The following PREX2 variants were observed in gnomAD, a reference collection of about 807,000 sequenced individuals.
The protein encoded by PREX2 is phosphatidylinositol-3,4,5-trisphosphate dependent Rac exchange factor 2, also known as phosphatidylinositol 3,4,5-trisphosphate-dependent Rac exchanger 2 protein.
A neutral mutation model predicts 203.2 loss-of-function variants in PREX2; 107 were observed. That is an observed-to-expected ratio of 0.53 (90% CI 0.45 to 0.62). The LOEUF is 0.62. Among genes scored for constraint, PREX2 ranks in the 20% least tolerant of loss-of-function variants. The pLI, the probability that PREX2 is intolerant of heterozygous loss-of-function variation, is 0.00. For synonymous variants in PREX2, 672 were observed against 663.6 expected, an observed-to-expected ratio of 1.01 and a Z score of -0.19; for missense variants, 1,777 against 1,955.9, an observed-to-expected ratio of 0.91 and a Z score of 1.72.
intron 4 of PREX2, among the ~76,000 whole-genome samples, chr8:68,022,951 T>G (rs1807612463): frequency 6.6e-6 from 1 of 152,238 alleles, no homozygotes; most frequent in Non-Finnish European, 1.5e-5. Flanking sequence ...TGCTATAGAA[T>G]GTATCCATTT....
chr8:68,134,098 A>T lies in PREX2; in HGVS notation c.3806A>T (p.Gln1269Leu). 1.2e-6 allele frequency: 2 copies of T among 1,614,172 alleles called. No homozygotes were observed. The highest frequency in any genetic ancestry group is 8.5e-7 in the Non-Finnish European group (1 of 1,179,994). ...CTCCGTAGAGACATGGTTTTCTGCC[A>T]GACTCTTGTGGCCACTGTCTGTGCC... is the stretch of plus-strand genomic sequence containing the variant. Reference protein sequence around the residue: ...TQLRRDMVFCQTLVATVCAFS... With the variant: ...TQLRRDMVFCLTLVATVCAFS... The change falls in exon 32 of 40, where the codon CAG (glutamine) becomes CTG (leucine). Residue 1269 changes from glutamine (Q) to leucine (L), a missense_variant. Transcript: ENST00000288368.
At chr8:68,107,077 A>G (rs137999625) in intron 23 of PREX2, among the ~76,000 whole-genome samples, 1 of 152,168 alleles carries the variant, frequency 6.6e-6, no homozygotes, top group African/African-American at 2.4e-5. Context: ...TAGAAATAAG[A>G]CAATTATTTA....
intron 31 of PREX2, among the ~76,000 whole-genome samples, chr8:68,132,535 T>C (rs1279499542): frequency 4.6e-5 from 7 of 152,152 alleles, no homozygotes; most frequent in African/African-American, 1.7e-4. Flanking sequence ...GAGTAGGTTT[T>C]ACAGTGAAAC....
At chr8:68,082,859 A>C (rs2129611963) in intron 17 of PREX2, 1 of 164,370 alleles carries the variant, frequency 6.1e-6, no homozygotes, top group Middle Eastern at 3.3e-3. Context: ...GTAGATACAG[A>C]AGTTGACACT....
chr8:67,975,438 A>G (rs976854216), intron 1 of PREX2, among the ~76,000 whole-genome samples: 2 of 151,970 alleles, frequency 1.3e-5, no homozygotes, highest in East Asian at 3.9e-4. Context: ...AACCTAAAGA[A>G]TGAATGAGTG....
At chr8:68,042,869 A>G (rs951366598) in intron 7 of PREX2, among the ~76,000 whole-genome samples, 3 of 152,072 alleles carry the variant, frequency 2.0e-5, no homozygotes. Context: ...TACAAAACCC[A>G]TACAGAGTTC....
At chr8:68,152,809 C>T (rs1193889060) in intron 34 of PREX2, among the ~76,000 whole-genome samples, 1 of 152,140 alleles carries the variant, frequency 6.6e-6, no homozygotes, top group Non-Finnish European at 1.5e-5. Flanking sequence ...GTTCTCCTGG[C>T]AAAGCTTCTG....
intron 31 of PREX2, 34 bp downstream of exon 31, chr8:68,127,453 T>C (rs1451678565): frequency 6.7e-7 from 1 of 1,500,902 alleles, no homozygotes; most frequent in South Asian, 1.1e-5. Context: ...TTTTACTATT[T>C]AAGTGATTGT....
At chr8:68,129,238 T>C (rs1810954550) in intron 31 of PREX2, among the ~76,000 whole-genome samples, 4 of 152,220 alleles carry the variant, frequency 2.6e-5, no homozygotes, top group Admixed American at 2.6e-4. Flanking sequence ...GTGGCAGTTT[T>C]GAAATTCAAA....
intron 1 of PREX2, among the ~76,000 whole-genome samples, chr8:67,967,244 T>C (rs1328628051): frequency 6.6e-6 from 1 of 152,234 alleles, no homozygotes; most frequent in East Asian, 1.9e-4. Context: ...TGTACATTGC[T>C]AATAAATAAA....
rs181945995 is a variant in PREX2 at position 68,167,687 on chromosome 8, C to T, written c.4346+10251C>T. Among the ~76,000 whole-genome samples the T allele has an allele frequency of 7.4e-4, 113 of 152,296 alleles. 1 individual carries two copies. Among genetic ancestry groups the T allele is most frequent in the African/African-American group, 2.5e-3 (105 of 41,572 alleles). On this transcript the variant is annotated intron_variant, in intron 35 of 39. Coordinates refer to ENST00000288368, the MANE Select transcript of PREX2 (RefSeq NM_024870.4). ...TTCTTCCATGACTTTTCACCTCTCA[C>T]TTAGCATCTGCTTCCAACTGTTTAT...
chr8:68,199,072 C>T (rs1030213066), intron 37 of PREX2, among the ~76,000 whole-genome samples: 5 of 152,088 alleles, frequency 3.3e-5, no homozygotes, highest in African/African-American at 1.2e-4. Flanking sequence ...ACTAGCATAC[C>T]CTGTGGTCCA....
At chr8:68,182,839 G>A (rs1812111607) in intron 35 of PREX2, among the ~76,000 whole-genome samples, 1 of 151,784 alleles carries the variant, frequency 6.6e-6, no homozygotes, top group Non-Finnish European at 1.5e-5. Flanking sequence ...GTATAATAGA[G>A]CTGGATAAAT....
chr8:68,032,787 C>T (rs1031472725), intron 6 of PREX2, among the ~76,000 whole-genome samples: 6 of 152,158 alleles, frequency 3.9e-5, no homozygotes, highest in South Asian at 2.1e-4. Flanking sequence ...GCTACCTTAG[C>T]GTTAGGACAG....
chr8:68,192,256 C>T, intron 36 of PREX2, 79 bp from the exon 37 acceptor site: 1 of 1,105,550 alleles, frequency 9.0e-7, no homozygotes, highest in Non-Finnish European at 1.3e-6. Context: ...TTAGACTATT[C>T]TTTAACAGCT....
In PREX2 at chr8:68,016,224, G is replaced by A. The variant is rs537455360; in HGVS notation, c.142-1622G>A. 6.6e-5 allele frequency among the ~76,000 whole-genome samples: 10 copies of A among 152,006 alleles called. No individual in the cohort carries two copies. In the East Asian group the frequency reaches 1.5e-3, roughly 23 times the overall value. On this transcript the variant is annotated intron_variant, in intron 1 of 39. Transcript: ENST00000288368. The stretch of plus-strand genomic sequence containing the variant: ...TACCCATTGCGTTTTGGTAAATGCC[G>A]CCTACTTTTTTTTCAACATTAGCAC...
intron 14 of PREX2, among the ~76,000 whole-genome samples, chr8:68,076,849 T>G (rs1809368367): frequency 6.6e-6 from 1 of 152,168 alleles, no homozygotes; most frequent in South Asian, 2.1e-4. Flanking sequence ...CTGATTTTTT[T>G]TTTTGGCAAA....
chr8:68,064,412 G>A (rs1431634934), intron 11 of PREX2, among the ~76,000 whole-genome samples: 1 of 152,086 alleles, frequency 6.6e-6, no homozygotes, highest in African/African-American at 2.4e-5. Context: ...GCCCGGGCTA[G>A]AGTACCCAGC....
chr8:68,161,159 G>C (rs570003837), intron 35 of PREX2, among the ~76,000 whole-genome samples: 1 of 151,584 alleles, frequency 6.6e-6, no homozygotes, highest in Non-Finnish European at 1.5e-5. Context: ...CAATGGCATA[G>C]TCTTGGCTCA....
Sources: allele counts gnomAD v4.1 joint callset (sites outside exome capture counted in the v4.1 genomes callset), GRCh38; gene constraint gnomAD v4.1.1; transcripts MANE v1.5; gene names NCBI Gene and HGNC (gene_info 2026-07-23, HGNC 2026-07-21).